Variants in TUSC3 observed in about 807,000 individuals in gnomAD.
The protein encoded by TUSC3 is dolichyl-diphosphooligosaccharide--protein glycosyltransferase subunit TUSC3.
Under a neutral mutation model 44.8 loss-of-function variants are expected in TUSC3, and 45 were observed. That is an observed-to-expected ratio of 1.00 (90% CI 0.79 to 1.29). The LOEUF (loss-of-function observed/expected upper bound fraction) is 1.29. Ranked by LOEUF, TUSC3 falls within the 50% of genes most tolerant of loss-of-function variation. The pLI is 0.00. For missense variants in TUSC3, 519 were observed against 437.9 expected, an observed-to-expected ratio of 1.19 and a Z score of -1.65; for synonymous variants, 212 against 152.9, an observed-to-expected ratio of 1.39 and a Z score of -2.85.
At chr8:15,512,825 T>C (rs1407045951) in intron 2 of TUSC3, among the ~76,000 whole-genome samples, 1 of 147,190 alleles carries the variant, frequency 6.8e-6, no homozygotes, top group Non-Finnish European at 1.5e-5. Flanking sequence ...TTGGGGTGTG[T>C]GTGTGTGTGT....
At chr8:15,605,609 CA>C (rs200286772) in intron 1 of TUSC3, among the ~76,000 whole-genome samples, 2 of 150,494 alleles carry the variant, frequency 1.3e-5, no homozygotes, top group African/African-American at 2.4e-5. Context: ...TTACAAATAC[CA>C]AAAAAAATGG....
At chr8:15,599,131 T>G (rs1804180127) in intron 1 of TUSC3, among the ~76,000 whole-genome samples, 1 of 151,880 alleles carries the variant, frequency 6.6e-6, no homozygotes, top group Admixed American at 6.6e-5. Flanking sequence ...TGGATTTTGG[T>G]CATTCTAATA....
intron 7 of TUSC3, among the ~76,000 whole-genome samples, chr8:15,735,875 T>G (rs1481170328): frequency 6.0e-5 from 2 of 33,432 alleles, no homozygotes; most frequent in African/African-American, 9.9e-5. Flanking sequence ...AATGGGTTTT[T>G]TTTTTTTGTT....
chr8:15,644,338 A>G (rs1267981987), intron 2 of TUSC3, among the ~76,000 whole-genome samples: 1 of 152,176 alleles, frequency 6.6e-6, no homozygotes, highest in Non-Finnish European at 1.5e-5. Flanking sequence ...CGTTCACTAC[A>G]TTCATGAAGT....
intron 6 of TUSC3, among the ~76,000 whole-genome samples, chr8:15,678,835 T>C (rs1430274010): frequency 2.0e-5 from 3 of 152,196 alleles, no homozygotes; most frequent in Non-Finnish European, 2.9e-5. Context: ...TATGTTCGTA[T>C]GCACCCAAGG....
intron 1 of TUSC3, among the ~76,000 whole-genome samples, chr8:15,475,518 C>G (rs1220108358): frequency 6.6e-6 from 1 of 152,072 alleles, no homozygotes; most frequent in Admixed American, 6.6e-5. Context: ...TTTAAATTCC[C>G]CTAGATAAAC....
chr8:15,849,445 C>G, the TUSC3 span, among the ~76,000 whole-genome samples: 3 of 152,056 alleles, frequency 2.0e-5, no homozygotes, highest in Non-Finnish European at 4.4e-5. Context: ...AACGAAGTTT[C>G]CACATGGTGA....
At chr8:15,682,103 ATGT>A (rs1808450676) in intron 6 of TUSC3, among the ~76,000 whole-genome samples, 1 of 152,162 alleles carries the variant, frequency 6.6e-6, no homozygotes, top group East Asian at 1.9e-4. Flanking sequence ...ATCTTCGAGT[ATGT>A]TTCATGTTCA....
intron 1 of TUSC3, among the ~76,000 whole-genome samples, chr8:15,472,613 T>C (rs1184823892): frequency 6.6e-6 from 1 of 152,162 alleles, no homozygotes; most frequent in Admixed American, 6.5e-5. Flanking sequence ...GTTTTTCTTC[T>C]GAAACACAGC....
chr8:15,468,976 T>C lies in TUSC3; in HGVS notation n.92-14410T>C, dbSNP rs182599817. Among the ~76,000 whole-genome samples the C allele has an allele frequency of 1.9e-3, 279 of 146,858 alleles. 3 individuals are homozygous for C. Among genetic ancestry groups the C allele is most frequent in the African/African-American group, 6.5e-3 (260 of 39,898 alleles). On this transcript the variant is annotated intron_variant and non_coding_transcript_variant, in intron 1 of 5. Coordinates refer to the TUSC3 transcript ENST00000503191. ...TGAGGGAGGCAGATGAAGAGAAGAT[T>C]TGACCCTGAAGAGAATTAATGAAGG...
intron 1 of TUSC3, among the ~76,000 whole-genome samples, chr8:15,576,284 T>TTTTTTTTTA (rs1554517169): frequency 0.047 from 6,625 of 141,212 alleles, 157 homozygotes; most frequent in Non-Finnish European, 0.071. Flanking sequence ...CTCTTGTTTT[T>TTTTTTTTTA]TTTTTTTATT....
chr8:15,730,904 T>C (rs1810695476), intron 7 of TUSC3, among the ~76,000 whole-genome samples, 175 bp downstream of exon 7: 1 of 152,224 alleles, frequency 6.6e-6, no homozygotes, highest in Non-Finnish European at 1.5e-5. Flanking sequence ...CGGTATAATT[T>C]GTTGCTATTC....
chr8:15,707,279 A>G (rs77940296), intron 6 of TUSC3, among the ~76,000 whole-genome samples: 199 of 152,116 alleles, frequency 1.3e-3, no homozygotes, highest in Non-Finnish European at 2.5e-3. Flanking sequence ...GAAATCTGAA[A>G]TGTGGTTATG....
chr8:15,419,996 C>A (rs1445244789), intron 1 of TUSC3, among the ~76,000 whole-genome samples: 1 of 151,998 alleles, frequency 6.6e-6, no homozygotes, highest in East Asian at 1.9e-4. Context: ...TGAATTCATT[C>A]ATTGAATGAA....
chr8:15,585,617 G>A (rs1015162881), intron 1 of TUSC3, among the ~76,000 whole-genome samples: 2 of 152,118 alleles, frequency 1.3e-5, no homozygotes, highest in Admixed American at 1.3e-4. Flanking sequence ...GTGCCTGTGG[G>A]CCCTTAGCCT....
intron 1 of TUSC3, among the ~76,000 whole-genome samples, chr8:15,451,100 C>T (rs532434107): frequency 1.3e-5 from 2 of 152,258 alleles, no homozygotes. Flanking sequence ...CATGACCCTG[C>T]ATCCTAGCTA....
At chr8:15,783,699 T>A in the TUSC3 span, among the ~76,000 whole-genome samples, 4,324 of 152,254 alleles carry the variant, frequency 0.028, 64 homozygotes, top group Middle Eastern at 0.037. Context: ...TCATTCCTTA[T>A]GCAAAAATCA....
At chr8:15,798,704 A>C in the TUSC3 span, among the ~76,000 whole-genome samples, 157 of 152,164 alleles carry the variant, frequency 1.0e-3, 2 homozygotes, top group South Asian at 0.033. Context: ...CAGCAGTCAC[A>C]CTGCTTTCCA....
At chr8:15,523,378 G>T (rs112940881) in intron 2 of TUSC3, among the ~76,000 whole-genome samples, 1 of 152,018 alleles carries the variant, frequency 6.6e-6, no homozygotes, top group African/African-American at 2.4e-5. Flanking sequence ...ACTATGTGAT[G>T]TACATTTTGC....
Sources: gnomAD v4.1 joint callset for allele counts (sites outside exome capture counted in the v4.1 genomes callset) on GRCh38, gnomAD v4.1.1 for gene constraint, MANE v1.5 for transcripts, NCBI Gene and HGNC (gene_info 2026-07-23, HGNC 2026-07-21) for gene names.